SCARB1: variants seen among roughly 807,000 people sequenced by gnomAD.
The protein encoded by SCARB1 is CD36 and LIMPII analogous 1.
Under a neutral mutation model 57.2 loss-of-function variants are expected in SCARB1, and 30 were observed. The ratio of observed to expected loss-of-function variants is 0.52; its 90% confidence interval spans 0.39 to 0.71. SCARB1 has a LOEUF of 0.71. Among genes scored for constraint, SCARB1 ranks in the 30% least tolerant of loss-of-function variants. The pLI, the probability that SCARB1 is intolerant of heterozygous loss-of-function variation, is 0.00. For missense variants in SCARB1, 543 were observed against 671.2 expected (o/e 0.81, Z 2.11); for synonymous variants, 249 against 268.3 (o/e 0.93, Z 0.70).
intron 8 of SCARB1, among the ~76,000 whole-genome samples, chr12:124,799,735 C>A (rs1950069171): frequency 6.6e-6 from 1 of 152,052 alleles, no homozygotes; most frequent in Non-Finnish European, 1.5e-5. Context: ...TGCTTGTAGA[C>A]AGAACTTCAC....
chr12:124,825,441 C>T (rs1176188822), intron 1 of SCARB1, among the ~76,000 whole-genome samples: 1 of 151,966 alleles, frequency 6.6e-6, no homozygotes, highest in Non-Finnish European at 1.5e-5. Context: ...GAGGCCGAGG[C>T]GGGTGGATCA....
In SCARB1 at chr12:124,810,355, T is replaced by C. The variant is rs1370908764; in HGVS notation, c.727-66A>G. On this transcript the variant is annotated intron_variant, in intron 5 of 12. Coordinates refer to ENST00000261693, the MANE Select transcript of SCARB1 (RefSeq NM_005505.5). This position sits in a 1 kb window ranked among gnomAD's most constrained non-coding sequence, Gnocchi z 4.0. Reference sequence around the variant, plus strand: ...AGGCCCCTTAATAAGCCCTCTCAGGTGCTGCACACCTAACTCACCCTGGTG... The same window carrying C: ...AGGCCCCTTAATAAGCCCTCTCAGGCGCTGCACACCTAACTCACCCTGGTG... 1.8e-6 allele frequency: 2 copies of C among 1,123,460 alleles called. No homozygotes were observed. Among genetic ancestry groups the C allele is most frequent in the Non-Finnish European group, 2.7e-6 (2 of 735,640 alleles). 69.6% of individuals were successfully genotyped at this position (1,123,460 alleles called of 1,614,324 possible).
At position 124,798,137 on chromosome 12, in the gene SCARB1, G is replaced by A. The variant is rs140910537; in HGVS notation, c.1128+1987C>T. ...TAAAAAGAGGGAAATCCAGCTGGGC[G>A]CGGCGGCTCACGCCTGGAATCCCAG... On this transcript the variant is annotated intron_variant, in intron 8 of 12. Coordinates refer to ENST00000261693, the MANE Select transcript of SCARB1 (RefSeq NM_005505.5). 1.1e-4 allele frequency among the ~76,000 whole-genome samples: 16 copies of A among 152,370 alleles called. No individual in the cohort carries two copies. In the East Asian group the frequency reaches 2.9e-3, roughly 28 times the overall value.
intron 1 of SCARB1, among the ~76,000 whole-genome samples, chr12:124,828,861 A>G (rs1032222721): frequency 6.6e-6 from 1 of 152,216 alleles, no homozygotes; most frequent in African/African-American, 2.4e-5. Flanking sequence ...TGACCAAATG[A>G]GCCAAGAAGC....
Position 124,778,349 on chromosome 12 carries a change from T to C in SCARB1, c.*238A>G. 3 of 1,063,704 alleles carry C rather than the reference T, an allele frequency of 2.8e-6. No homozygotes were observed. The highest frequency in any genetic ancestry group is 2.4e-6 in the Non-Finnish European group (2 of 830,410). 65.9% of individuals were successfully genotyped at this position (1,063,704 alleles called of 1,614,324 possible). A position where few individuals can be genotyped will look rare whatever the true frequency, so the allele number is the denominator to read the frequency against. On this transcript the variant is annotated 3_prime_UTR_variant, in exon 13 of 13. Transcript: ENST00000261693. Reference sequence around the variant, plus strand: ...CAGTGCTTGTTGACGAGCCTCTCCCTACAAGTCCCTTCAGCAGCAGCTCCA... The same window carrying C: ...CAGTGCTTGTTGACGAGCCTCTCCCCACAAGTCCCTTCAGCAGCAGCTCCA...
intron 7 of SCARB1, among the ~76,000 whole-genome samples, chr12:124,804,877 C>G (rs1466866138): frequency 1.3e-5 from 2 of 152,224 alleles, no homozygotes; most frequent in Non-Finnish European, 2.9e-5. Flanking sequence ...TCCTACCAAC[C>G]CTGTGACCTT....
intron 8 of SCARB1, among the ~76,000 whole-genome samples, chr12:124,797,468 A>G (rs1020622167): frequency 2.0e-5 from 3 of 152,166 alleles, no homozygotes; most frequent in African/African-American, 7.2e-5. Flanking sequence ...CCCAGCTCAA[A>G]AAACAAAGAA....
chr12:124,818,218 G>C (rs568506339), intron 1 of SCARB1, among the ~76,000 whole-genome samples: 181 of 152,322 alleles, frequency 1.2e-3, no homozygotes, highest in Non-Finnish European at 1.9e-3. Context: ...GCGGAGGAAA[G>C]GCAGGCACCA....
At chr12:124,861,160 G>T (rs1181111884) in intron 1 of SCARB1, among the ~76,000 whole-genome samples, 2 of 151,930 alleles carry the variant, frequency 1.3e-5, no homozygotes, top group Non-Finnish European at 2.9e-5. Flanking sequence ...TTGGTTTCAG[G>T]ACCCCCATAG....
chr12:124,788,223 TC>T (rs1338260228), intron 9 of SCARB1, among the ~76,000 whole-genome samples: 1 of 152,150 alleles, frequency 6.6e-6, no homozygotes, highest in Non-Finnish European at 1.5e-5. Context: ...TTGAAAATAA[TC>T]TTTTTAAACT....
In SCARB1 at chr12:124,786,076, C is replaced by T. The variant is rs763934280; in HGVS notation, c.1401+281G>A. 3.9e-6 allele frequency: 6 copies of T among 1,524,448 alleles called. 1 individual carries two copies. Among genetic ancestry groups the T allele is most frequent in the Middle Eastern group, 1.7e-4 (1 of 5,970 alleles). The allele number at this position is 1,524,448 out of a possible 1,614,324, so 94.4% of individuals were successfully genotyped here. On this transcript the variant is annotated intron_variant, in intron 11 of 12. Coordinates refer to ENST00000261693, the MANE Select transcript of SCARB1 (RefSeq NM_005505.5). ...GTGCTGACTTGATGAATGGATGATG[C>T]AAGTACCAGGTCTCATTACTCAAAG...
intron 1 of SCARB1, among the ~76,000 whole-genome samples, chr12:124,845,444 C>T (rs1201971788): frequency 6.7e-6 from 1 of 150,018 alleles, no homozygotes; most frequent in Non-Finnish European, 1.5e-5. Flanking sequence ...CCTGTAATCC[C>T]AACACTTTGG....
rs563580811 is a variant in SCARB1 at position 124,837,505 on chromosome 12, G to A, written c.127-19798C>T. ...GAAGGAAGGAAGGAAGGAAGGAAGG[G>A]AGAAAAAAGAAAAGAAAGGAAAGAA... On this transcript the variant is annotated intron_variant, in intron 1 of 12. Transcript: ENST00000261693. Among the ~76,000 whole-genome samples the A allele has an allele frequency of 8.8e-3, 746 of 84,814 alleles. 45 individuals are homozygous for A. In the East Asian group the frequency reaches 0.16, roughly 19 times the overall value. 55.6% of individuals were successfully genotyped at this position (84,814 alleles called of 152,430 possible). A position where few individuals can be genotyped will look rare whatever the true frequency, so the allele number is the denominator to read the frequency against.
chr12:124,833,999 C>A (rs1292817649), intron 1 of SCARB1, among the ~76,000 whole-genome samples: 2 of 152,248 alleles, frequency 1.3e-5, no homozygotes, highest in East Asian at 3.9e-4. Context: ...CGGACGTGCC[C>A]GTGCTGCCTG....
chr12:124,811,056 G>A (rs1158772415), intron 5 of SCARB1, among the ~76,000 whole-genome samples: 1 of 152,222 alleles, frequency 6.6e-6, no homozygotes, highest in Non-Finnish European at 1.5e-5. Flanking sequence ...AAAAAAGCCA[G>A]TTGCAAAACA....
At chr12:124,857,011 G>A (rs1431583430) in intron 1 of SCARB1, among the ~76,000 whole-genome samples, 1 of 152,182 alleles carries the variant, frequency 6.6e-6, no homozygotes, top group East Asian at 1.9e-4. Flanking sequence ...GTTCCCTGGT[G>A]ATGCACAGAA....
chr12:124,837,615 A>C (rs1951738849), intron 1 of SCARB1, among the ~76,000 whole-genome samples: 1 of 151,976 alleles, frequency 6.6e-6, no homozygotes, highest in Admixed American at 6.6e-5. Context: ...AGCTGGGTGC[A>C]GTGCTGCACG....
At chr12:124,803,859 TGG>T (rs1281204432) in intron 7 of SCARB1, among the ~76,000 whole-genome samples, 1 of 152,134 alleles carries the variant, frequency 6.6e-6, no homozygotes, top group Non-Finnish European at 1.5e-5. Flanking sequence ...CACTTGAGCC[TGG>T]GCAACAGAGA....
chr12:124,820,745 CG>C (rs1950922582), intron 1 of SCARB1, among the ~76,000 whole-genome samples: 1 of 152,090 alleles, frequency 6.6e-6, no homozygotes, highest in Non-Finnish European at 1.5e-5. Flanking sequence ...AAAATGTGTT[CG>C]GGGAGTAGAG....
Sources: gnomAD v4.1 joint callset for allele counts (sites outside exome capture counted in the v4.1 genomes callset) on GRCh38, gnomAD v4.1.1 for gene constraint, Gnocchi (gnomAD v3.1) non-coding constraint, MANE v1.5 for transcripts, NCBI Gene and HGNC (gene_info 2026-07-23, HGNC 2026-07-21) for gene names.